Variants in CDKL1 observed in about 807,000 individuals in gnomAD.
CDKL1 encodes cyclin-dependent kinase-like 1.
Under a neutral mutation model 42.0 loss-of-function variants are expected in CDKL1, and 41 were observed. That is an observed-to-expected ratio of 0.98 (90% CI 0.76 to 1.27). CDKL1 has a LOEUF of 1.27. Among genes scored for constraint, CDKL1 ranks in the 50% most tolerant of loss-of-function variants. The probability of loss-of-function intolerance (pLI) is 0.00; values close to 1 mark genes in which losing one functional copy is unlikely to be tolerated. For missense variants in CDKL1, 394 were observed against 428.4 expected (o/e 0.92, Z 0.71); for synonymous variants, 153 against 158.6 (o/e 0.96, Z 0.26).
At chr14:50,366,222 TC>T (rs2034432690) in intron 2 of CDKL1, among the ~76,000 whole-genome samples, 1 of 152,152 alleles carries the variant, frequency 6.6e-6, no homozygotes, top group African/African-American at 2.4e-5. Context: ...CCAAAAATAA[TC>T]TATGAAATTA....
At chr14:50,336,248 G>A in intron 7 of CDKL1, 1 of 1,284,210 alleles carries the variant, frequency 7.8e-7, no homozygotes, top group Non-Finnish European at 1.0e-6. Flanking sequence ...AACCAGTGCA[G>A]CCCCCGCACT....
At chr14:50,352,434 A>G (rs574545169) in intron 3 of CDKL1, among the ~76,000 whole-genome samples, 1 of 152,290 alleles carries the variant, frequency 6.6e-6, no homozygotes, top group South Asian at 2.1e-4. Context: ...CTTCTAAAGG[A>G]AAATTACAAA....
At chr14:50,383,732 T>G (rs1803418882) in intron 2 of CDKL1, among the ~76,000 whole-genome samples, 1 of 152,192 alleles carries the variant, frequency 6.6e-6, no homozygotes, top group South Asian at 2.1e-4. Context: ...TGACATTTGT[T>G]TTCTAGAGTC....
At chr14:50,335,440 C>T in intron 7 of CDKL1, 2 of 1,524,754 alleles carry the variant, frequency 1.3e-6, no homozygotes, top group Non-Finnish European at 1.8e-6. Context: ...CCACTAGGGC[C>T]TGCTGCTTCC....
chr14:50,394,278 G>A (rs553908474), intron 2 of CDKL1, among the ~76,000 whole-genome samples: 1 of 152,354 alleles, frequency 6.6e-6, no homozygotes, highest in South Asian at 2.1e-4. Flanking sequence ...AGGGTAGGGT[G>A]ACCCGGGCAG....
rs572376444 is a variant in CDKL1 at position 50,356,540 on chromosome 14, G to A, written c.290+2488C>T. ...TCATGTCCTTTGCAGGGACAGGATGGAGCTGGAAGCTGTTATCCTCAGCAA... is the reference window on the plus strand; with the variant it reads ...TCATGTCCTTTGCAGGGACAGGATGAAGCTGGAAGCTGTTATCCTCAGCAA... On this transcript the variant is annotated intron_variant, in intron 3 of 9. Transcript: ENST00000395834. Among the ~76,000 whole-genome samples, 5 of 152,270 alleles carry A rather than the reference G, an allele frequency of 3.3e-5. No individual in the cohort carries two copies. In the South Asian group the frequency reaches 1.0e-3, roughly 32 times the overall value.
At chr14:50,354,839 A>G (rs1044736426) in intron 3 of CDKL1, among the ~76,000 whole-genome samples, 7 of 152,220 alleles carry the variant, frequency 4.6e-5, no homozygotes, top group Non-Finnish European at 7.3e-5. Flanking sequence ...GGTTCAAATG[A>G]GAAGTCTTTG....
chr14:50,379,669 C>T (rs553861009), intron 2 of CDKL1, among the ~76,000 whole-genome samples: 3 of 152,260 alleles, frequency 2.0e-5, no homozygotes, highest in African/African-American at 7.2e-5. Context: ...GGACAGCTGG[C>T]TCATGTGTCA....
chr14:50,382,394 TGA>T, intron 2 of CDKL1, among the ~76,000 whole-genome samples: 1 of 151,998 alleles, frequency 6.6e-6, no homozygotes. Flanking sequence ...GAGCTTGCAG[TGA>T]GCTGAGATCG....
intron 2 of CDKL1, among the ~76,000 whole-genome samples, chr14:50,395,154 A>G (rs1326403663): frequency 1.3e-5 from 2 of 152,240 alleles, no homozygotes; most frequent in African/African-American, 4.8e-5. Context: ...TGAGTATACC[A>G]ATAGGAAATA....
chr14:50,389,118 A>AG (rs1423786706), intron 2 of CDKL1, among the ~76,000 whole-genome samples: 7 of 147,566 alleles, frequency 4.7e-5, no homozygotes, highest in Non-Finnish European at 7.5e-5. Flanking sequence ...AAAAAAAAAA[A>AG]AAAAAGAGAG....
chr14:50,370,031 T>A (rs2034546722), intron 2 of CDKL1, among the ~76,000 whole-genome samples: 1 of 152,146 alleles, frequency 6.6e-6, no homozygotes, highest in Non-Finnish European at 1.5e-5. Flanking sequence ...TTACCTTTTT[T>A]TTTGTGGTAA....
At chr14:50,377,401 T>C (rs10143848) in intron 2 of CDKL1, 69,018 of 234,728 alleles carry the variant, frequency 0.29, 11,864 homozygotes, top group African/African-American at 0.51. Flanking sequence ...CCTGGTTACA[T>C]TGGGTTTCCT....
chr14:50,384,897 C>A (rs1181246971), intron 2 of CDKL1, among the ~76,000 whole-genome samples: 3 of 151,444 alleles, frequency 2.0e-5, no homozygotes. Flanking sequence ...ATGATGAAAT[C>A]CCGTCTCTAC....
intron 7 of CDKL1, among the ~76,000 whole-genome samples, chr14:50,335,093 G>A (rs2033182150): frequency 6.7e-6 from 1 of 148,644 alleles, no homozygotes; most frequent in Non-Finnish European, 1.5e-5. Context: ...TTTGAGACCA[G>A]CCTGGGCAAC....
intron 2 of CDKL1, chr14:50,362,293 G>C (rs2034285479): frequency 5.6e-6 from 2 of 359,486 alleles, no homozygotes; most frequent in South Asian, 2.0e-5. Flanking sequence ...GCACGGCATG[G>C]GACTGGCAGG....
chr14:50,326,844 C>T lies in CDKL1; in HGVS notation c.*3230G>A. ...TCACTTGAGACCAGGAGTTTGAGAC[C>T]AATTTGGGCAACACAGTGAGACCCC... is the stretch of plus-strand genomic sequence containing the variant. On this transcript the variant is annotated 3_prime_UTR_variant, in exon 10 of 10. Coordinates refer to ENST00000395834, the MANE Select transcript of CDKL1 (RefSeq NM_004196.7). The T allele has an allele frequency of 1.3e-6, 1 of 793,844 alleles. No individual in the cohort carries two copies. 49.2% of individuals were successfully genotyped at this position (793,844 alleles called of 1,614,324 possible).
chr14:50,391,221 C>T (rs2035249055), intron 2 of CDKL1, among the ~76,000 whole-genome samples: 1 of 152,096 alleles, frequency 6.6e-6, no homozygotes, highest in East Asian at 1.9e-4. Flanking sequence ...TACCTCTCAT[C>T]CAATAAATCC....
rs1481046418 is a variant in CDKL1, at chr14:50,395,894, T to C, written c.-26A>G. On this transcript the variant is annotated 5_prime_UTR_variant, in exon 2 of 10. Transcript: ENST00000395834. ...CATAGAGGAATAAATCTTCTTAAAA[T>C]GGATCTTCAGCCGAGAATGGTGGCT... 3.7e-6 allele frequency: 6 copies of C among 1,609,304 alleles called. No individual in the cohort carries two copies. The highest frequency in any genetic ancestry group is 1.1e-5 in the South Asian group (1 of 90,964).
Sources: gnomAD v4.1 joint callset for allele counts (sites outside exome capture counted in the v4.1 genomes callset) on GRCh38, gnomAD v4.1.1 for gene constraint, MANE v1.5 for transcripts, NCBI Gene and HGNC (gene_info 2026-07-23, HGNC 2026-07-21) for gene names.